TOR1AIP1: variants seen among roughly 807,000 people sequenced by gnomAD.
TOR1AIP1 encodes torsin 1A interacting protein 1.
In TOR1AIP1, 54 loss-of-function variants were observed where a neutral mutation model predicts 63.3. The ratio of observed to expected loss-of-function variants is 0.85; its 90% CI spans 0.69 to 1.07. The LOEUF is 1.07. TOR1AIP1 is among the 50% of genes least tolerant of loss of function. The probability of loss-of-function intolerance (pLI) is 0.00; values close to 1 mark genes in which losing one functional copy is unlikely to be tolerated. For missense variants in TOR1AIP1, 736 were observed against 715.0 expected (o/e 1.03, Z -0.33); for synonymous variants, 294 against 273.5 (o/e 1.07, Z -0.74).
chr1:179,886,021 A>G (rs1275842184), intron 2 of TOR1AIP1, among the ~76,000 whole-genome samples: 1 of 152,182 alleles, frequency 6.6e-6, no homozygotes, highest in Non-Finnish European at 1.5e-5. Context: ...GATTATAGGC[A>G]TCAGCCACCA....
In TOR1AIP1 at chr1:179,884,709, C is replaced by G. The variant is rs142574917; in HGVS notation, c.493C>G (p.Gln165Glu). 2.0e-4 allele frequency: 327 copies of G among 1,610,850 alleles called. 3 individuals carry two copies. In the East Asian group the frequency reaches 7.3e-3, roughly 36 times the overall value. ...TTTTTTAGAGGATGAAGCATCTTCC[C>G]AAACTGATTTAAGCCAAACGATCTC... ...HSSEEDEASS[Q>E]TDLSQTISKK... Residue 165 changes from glutamine to glutamate, a missense_variant, in exon 2 of 10, where the codon CAA (glutamine) becomes GAA (glutamate). Physicochemically the swap from Gln to Glu is conservative, Grantham distance 29. This residue lies in a region of TOR1AIP1 where 464 missense variants were observed against 371.0 expected (regional missense o/e 1.25). Coordinates refer to ENST00000606911, the MANE Select transcript of TOR1AIP1 (RefSeq NM_015602.4).
At chr1:179,886,089 C>A (rs1332608523) in intron 2 of TOR1AIP1, among the ~76,000 whole-genome samples, 1 of 152,082 alleles carries the variant, frequency 6.6e-6, no homozygotes, top group Non-Finnish European at 1.5e-5. Flanking sequence ...AGATTATAAA[C>A]TATCTTAGAA....
rs558545681 is a variant in TOR1AIP1, at chr1:179,884,184, A to G, written c.476-508A>G. ...TTTTTGCAGACAAGGAGCCTATAAT[A>G]TATTTGATAGTAATTTAAGTACTTG... is the stretch of plus-strand genomic sequence containing the variant. On this transcript the variant is annotated intron_variant, in intron 1 of 9. Coordinates refer to ENST00000606911, the MANE Select transcript of TOR1AIP1 (RefSeq NM_015602.4). 2.6e-5 allele frequency among the ~76,000 whole-genome samples: 4 copies of G among 152,320 alleles called. No individual in the cohort carries two copies. In the South Asian group the frequency reaches 8.3e-4, roughly 32 times the overall value.
intron 1 of TOR1AIP1, 39 bp downstream of exon 1, chr1:179,883,016 G>A (rs1338632800): frequency 1.3e-6 from 2 of 1,568,784 alleles, no homozygotes; most frequent in Non-Finnish European, 8.7e-7. Context: ...CCGCGAGCCA[G>A]GGAACGCGCG....
intron 4 of TOR1AIP1, among the ~76,000 whole-genome samples, chr1:179,901,022 A>T (rs1487600459): frequency 6.6e-6 from 1 of 152,132 alleles, no homozygotes; most frequent in East Asian, 1.9e-4. Flanking sequence ...TCATCTGTTC[A>T]TTTTTGACTC....
At chr1:179,891,472 C>T (rs1051093322) in intron 3 of TOR1AIP1, among the ~76,000 whole-genome samples, 3 of 151,906 alleles carry the variant, frequency 2.0e-5, no homozygotes, top group Admixed American at 6.6e-5. Context: ...ATCTACCCCA[C>T]TTGGCCTCCC....
intron 2 of TOR1AIP1, among the ~76,000 whole-genome samples, chr1:179,885,216 T>C (rs1647877516): frequency 6.6e-6 from 1 of 152,268 alleles, no homozygotes; most frequent in Admixed American, 6.5e-5. Flanking sequence ...AGTTTAATAC[T>C]GTGGTTTATC....
At chr1:179,889,247 T>C (rs1647991919) in intron 2 of TOR1AIP1, 66 bp from the exon 3 acceptor site, 6 of 1,268,140 alleles carry the variant, frequency 4.7e-6, no homozygotes, top group South Asian at 4.2e-5. Context: ...GGGATGATCA[T>C]GTAATAAAGC....
chr1:179,882,852 A>T lies in TOR1AIP1; in HGVS notation c.350A>T (p.Gln117Leu), dbSNP rs558835122. 28 of 1,614,226 alleles carry T rather than the reference A, an allele frequency of 1.7e-5. No individual in the cohort carries two copies. In the South Asian group the frequency reaches 3.0e-4, roughly 17 times the overall value. ...RSRQRRQPRP[Q>L]ETEEMKTRRT... is the part of the protein sequence containing the mutation. ...AGGCAGCGGAGGCAGCCGCGACCCC[A>T]GGAAACCGAGGAAATGAAGACGCGA... Residue 117 changes from glutamine (Q) to leucine (L), a missense_variant, in exon 1 of 10, where the codon CAG becomes CTG. Around this residue, in one of 2 missense-constraint regions of TOR1AIP1, gnomAD observed 464 missense variants for 371.0 expected, o/e 1.25. Coordinates refer to ENST00000606911, the MANE Select transcript of TOR1AIP1 (RefSeq NM_015602.4).
Position 179,917,523 on chromosome 1 carries a change from G to GCT in TOR1AIP1, c.1039_1040dup (p.Ala348LeufsTer14). ...GTGGTGGCTACTTCCTCTGATAGCT[G>GCT]CTCTTGCCTCTGGGAGTTTTTGGTT... On this transcript the variant is annotated frameshift_variant, in exon 10 of 10. Transcript: ENST00000606911. LOFTEE classifies it high-confidence loss of function. 1 of 1,614,040 alleles carries GCT rather than the reference G, an allele frequency of 6.2e-7. No homozygotes were observed. The highest frequency in any genetic ancestry group is 1.1e-5 in the South Asian group (1 of 91,064).
intron 5 of TOR1AIP1, 49 bp from the exon 6 acceptor site, chr1:179,903,917 A>T: frequency 1.6e-6 from 2 of 1,271,940 alleles, no homozygotes; most frequent in Non-Finnish European, 2.2e-6. Context: ...TAAAATGTAC[A>T]GTCTAAAAGT....
rs1295360063 is a variant in TOR1AIP1, at chr1:179,900,240, A to G, written c.652+73A>G. On this transcript the variant is annotated intron_variant, in intron 4 of 9. Coordinates refer to ENST00000606911, the MANE Select transcript of TOR1AIP1 (RefSeq NM_015602.4). ...TTTACATTAGAAGCCATTCTGATAGATATTTAAGAAGTGGGAACAGAGCCG... is the reference window on the plus strand; with the variant it reads ...TTTACATTAGAAGCCATTCTGATAGGTATTTAAGAAGTGGGAACAGAGCCG... 9.1e-6 allele frequency: 10 copies of G among 1,098,580 alleles called. No individual in the cohort carries two copies. The African/African-American group carries it at 1.3e-4, about 14-fold the overall frequency. 68.1% of individuals were successfully genotyped at this position (1,098,580 alleles called of 1,614,324 possible).
At chr1:179,898,260 C>G (rs909919556) in intron 3 of TOR1AIP1, among the ~76,000 whole-genome samples, 3 of 152,102 alleles carry the variant, frequency 2.0e-5, no homozygotes, top group African/African-American at 7.2e-5. Context: ...CACTTGATAT[C>G]TATGAACCTT....
At chr1:179,889,176 A>G (rs1481568824) in intron 2 of TOR1AIP1, 137 bp from the exon 3 acceptor site, 1 of 530,182 alleles carries the variant, frequency 1.9e-6, no homozygotes, top group African/African-American at 1.9e-5. Context: ...GTCACTTAGA[A>G]AGCTTGTCTC....
chr1:179,911,255 A>G (rs1011611217), intron 8 of TOR1AIP1, among the ~76,000 whole-genome samples: 2 of 152,240 alleles, frequency 1.3e-5, no homozygotes. Context: ...GTTATATAAT[A>G]GATTCCTCTT....
intron 2 of TOR1AIP1, chr1:179,888,017 T>C (rs1485900365): frequency 6.6e-6 from 1 of 152,234 alleles, no homozygotes; most frequent in African/African-American, 2.4e-5. Context: ...TTTCAAGTAC[T>C]TTACTTGGCT....
In TOR1AIP1 at chr1:179,920,020, G is replaced by A. The variant is rs1649147852; in HGVS notation, c.*1781G>A. 1 of 152,132 alleles carries A rather than the reference G, an allele frequency of 6.6e-6. No individual in the cohort carries two copies. The highest frequency in any genetic ancestry group is 2.1e-4 in the South Asian group (1 of 4,830). The allele number at this position is 152,132 out of a possible 1,614,324, so 9.4% of individuals were successfully genotyped here. On this transcript the variant is annotated 3_prime_UTR_variant, in exon 10 of 10. Transcript: ENST00000606911. ...TAATTATAGCAGCTGATCTGTAAAT[G>A]ACTTTAAAAGCTATTTTAGTAATTT...
chr1:179,902,284 C>G (rs1359765636), intron 5 of TOR1AIP1, among the ~76,000 whole-genome samples: 1 of 152,078 alleles, frequency 6.6e-6, no homozygotes, highest in Non-Finnish European at 1.5e-5. Context: ...CCTCTGCCTC[C>G]CAAAGTGCTG....
intron 1 of TOR1AIP1, among the ~76,000 whole-genome samples, chr1:179,884,466 C>A (rs922671714): frequency 6.6e-6 from 1 of 152,066 alleles, no homozygotes; most frequent in African/African-American, 2.4e-5. Flanking sequence ...TTTTGTAAAA[C>A]AACAATGGCA....
Sources: gnomAD v4.1 joint callset for allele counts (sites outside exome capture counted in the v4.1 genomes callset) on GRCh38, gnomAD v4.1.1 for gene constraint, gnomAD v4.1.1 regional missense constraint, MANE v1.5 for transcripts, NCBI Gene and HGNC (gene_info 2026-07-23, HGNC 2026-07-21) for gene names.